Variants in ADD3 observed in about 807,000 individuals in gnomAD.
The protein encoded by ADD3 is gamma-adducin.
In ADD3, 25 loss-of-function variants were observed where a neutral mutation model predicts 80.2. The ratio of observed to expected loss-of-function variants is 0.31; its 90% CI spans 0.23 to 0.44. The LOEUF (loss-of-function observed/expected upper bound fraction) is 0.44. Ranked by LOEUF, ADD3 falls within the 20% of genes least tolerant of loss-of-function variation. The pLI is 1.00. For synonymous variants in ADD3, 284 were observed against 289.6 expected (o/e 0.98, Z 0.20); for missense variants, 829 against 847.5 (o/e 0.98, Z 0.27).
rs544670878 is a variant in ADD3, at chr10:110,049,811, C to T, written c.-30+41512C>T. Among the ~76,000 whole-genome samples, 54 of 149,592 alleles carry T rather than the reference C, an allele frequency of 3.6e-4. 1 individual carries two copies. The highest frequency in any genetic ancestry group is 1.2e-3 in the African/African-American group (48 of 40,416). On this transcript the variant is annotated intron_variant, in intron 1 of 14. Coordinates refer to ENST00000356080, the MANE Select transcript of ADD3 (RefSeq NM_016824.5). The stretch of plus-strand genomic sequence containing the variant: ...CTGAGGCAGGAGAATGGCATGAACC[C>T]GGGAGGCAGAGCTTGCAGTGAGCCG...
At chr10:110,075,878 C>T (rs1845326413) in intron 1 of ADD3, among the ~76,000 whole-genome samples, 1 of 152,072 alleles carries the variant, frequency 6.6e-6, no homozygotes, top group Admixed American at 6.6e-5. Context: ...CCTCATAATC[C>T]AACAAAGGCA....
chr10:110,041,159 A>T (rs1856312295), intron 1 of ADD3, among the ~76,000 whole-genome samples: 1 of 152,222 alleles, frequency 6.6e-6, no homozygotes, highest in African/African-American at 2.4e-5. Context: ...AGACCACAGC[A>T]GGAGATTTTA....
At chr10:110,050,577 A>G (rs12249490) in intron 1 of ADD3, among the ~76,000 whole-genome samples, 18,655 of 150,050 alleles carry the variant, frequency 0.12, 3,727 homozygotes, top group African/African-American at 0.42. Context: ...CAGTGGCACA[A>G]TCTCAGCTCA....
chr10:110,102,872 G>T (rs1848984990), intron 2 of ADD3, among the ~76,000 whole-genome samples: 6 of 152,084 alleles, frequency 3.9e-5, no homozygotes, highest in Admixed American at 3.9e-4. Flanking sequence ...TAATTTTTTT[G>T]TATTTAGTAT....
intron 1 of ADD3, among the ~76,000 whole-genome samples, chr10:109,998,705 C>T (rs576723390): frequency 5.3e-5 from 8 of 152,240 alleles, no homozygotes; most frequent in Non-Finnish European, 1.0e-4. Context: ...CTCAATCATA[C>T]CAAACTTGTT....
chr10:110,017,176 A>T (rs533160116), intron 1 of ADD3, among the ~76,000 whole-genome samples: 2 of 152,222 alleles, frequency 1.3e-5, no homozygotes, highest in African/African-American at 4.8e-5. Flanking sequence ...GCACTATGCT[A>T]TATACTGCTG....
intron 1 of ADD3, among the ~76,000 whole-genome samples, chr10:110,064,344 G>T (rs758020702): frequency 3.9e-5 from 6 of 152,144 alleles, no homozygotes; most frequent in African/African-American, 9.7e-5. Context: ...TGTACTAATT[G>T]ACATACCAAC....
intron 1 of ADD3, among the ~76,000 whole-genome samples, chr10:110,051,248 GATTTC>G (rs1857484379): frequency 6.6e-6 from 1 of 152,150 alleles, no homozygotes; most frequent in African/African-American, 2.4e-5. Context: ...ATTTGGAAAT[GATTTC>G]TTGGATGTGA....
At chr10:110,050,477 C>G (rs1857385278) in intron 1 of ADD3, among the ~76,000 whole-genome samples, 1 of 151,278 alleles carries the variant, frequency 6.6e-6, no homozygotes. Context: ...TCCTCCCCAG[C>G]CACGTGGAAC....
intron 1 of ADD3, among the ~76,000 whole-genome samples, chr10:110,050,529 CT>C (rs1489609442): frequency 7.4e-6 from 1 of 134,650 alleles, no homozygotes; most frequent in Non-Finnish European, 1.5e-5. Flanking sequence ...TTTTTTTTTC[CT>C]GAAGCGGAGT....
intron 1 of ADD3, among the ~76,000 whole-genome samples, chr10:110,063,778 T>TATATATAC (rs1843560260): frequency 1.9e-5 from 2 of 104,128 alleles, no homozygotes; most frequent in Non-Finnish European, 3.9e-5. Flanking sequence ...TATATATATA[T>TATATATAC]ATATAAAGTG....
At chr10:110,065,488 GTCTCTCTCTC>G (rs67149777) in intron 1 of ADD3, among the ~76,000 whole-genome samples, 1,213 of 108,470 alleles carry the variant, frequency 0.011, 27 homozygotes, top group African/African-American at 0.037. Context: ...GTCTCTGTCT[GTCTCTCTCTC>G]TCTCTCTCTC....
chr10:110,021,640 TGAAATG>T (rs1853692128), intron 1 of ADD3, among the ~76,000 whole-genome samples: 1 of 152,194 alleles, frequency 6.6e-6, no homozygotes, highest in Non-Finnish European at 1.5e-5. Context: ...TCCACTTACA[TGAAATG>T]TCTAGAATAG....
intron 1 of ADD3, among the ~76,000 whole-genome samples, chr10:110,086,564 CT>C (rs1564952471): frequency 6.6e-6 from 1 of 152,104 alleles, no homozygotes; most frequent in African/African-American, 2.4e-5. Flanking sequence ...TACCATCCCC[CT>C]AGTGCTATCT....
intron 1 of ADD3, among the ~76,000 whole-genome samples, chr10:110,034,447 T>C (rs1855411236): frequency 6.6e-6 from 1 of 151,520 alleles, no homozygotes; most frequent in South Asian, 2.1e-4. Context: ...TTTAAAATTA[T>C]ATTTTTTCAT....
Position 110,104,310 on chromosome 10 carries a change from C to CTCTGCCCACTAGGTTCTTGGT in ADD3, c.195+3465_195+3485dup, listed in dbSNP as rs1378872863. The stretch of plus-strand genomic sequence containing the variant: ...AGGACTGAACCTCCCTGGTGCTTGG[C>CTCTGCCCACTAGGTTCTTGGT]TCTGCCCACTAGGTTCTTGGTTCCA... On this transcript the variant is annotated intron_variant, in intron 2 of 14. Coordinates refer to ENST00000356080, the MANE Select transcript of ADD3 (RefSeq NM_016824.5). 4.6e-5 allele frequency among the ~76,000 whole-genome samples: 7 copies of CTCTGCCCACTAGGTTCTTGGT among 152,316 alleles called. No homozygotes were observed. In the East Asian group the frequency reaches 9.6e-4, roughly 21 times the overall value.
intron 8 of ADD3, 45 bp from the exon 9 acceptor site, chr10:110,122,065 G>C: frequency 6.5e-7 from 1 of 1,530,034 alleles, no homozygotes; most frequent in East Asian, 2.3e-5. Context: ...ACTCATTACA[G>C]TCTTTATAGT....
At chr10:110,119,625 G>A (rs1045878656) in intron 8 of ADD3, 61 bp downstream of exon 8, 11 of 1,451,694 alleles carry the variant, frequency 7.6e-6, no homozygotes, top group Non-Finnish European at 1.1e-5. Flanking sequence ...GTTGGATTTT[G>A]TGTACTTATT....
rs759268930 is a variant in ADD3 at position 110,126,457 on chromosome 10, C to T, written c.1562C>T (p.Pro521Leu). ...QNRYDLKTAG[P>L]QSQLLAGIVV... The stretch of plus-strand genomic sequence containing the variant: ...CGATATGACTTGAAAACAGCAGGAC[C>T]ACAATCTCAGTTGCTTGCTGGAATT... Residue 521 changes from proline to leucine, a missense_variant, in exon 12 of 15, where the codon CCA (proline) becomes CTA (leucine). Physicochemically the swap from Pro to Leu is moderately conservative, Grantham distance 98. Coordinates refer to ENST00000356080, the MANE Select transcript of ADD3 (RefSeq NM_016824.5). 2 of 1,613,626 alleles carry T rather than the reference C, an allele frequency of 1.2e-6. No homozygotes were observed. Among genetic ancestry groups the T allele is most frequent in the Non-Finnish European group, 1.7e-6 (2 of 1,179,922 alleles).
Sources: gnomAD v4.1 joint callset for allele counts (sites outside exome capture counted in the v4.1 genomes callset) on GRCh38, gnomAD v4.1.1 for gene constraint, MANE v1.5 for transcripts, NCBI Gene and HGNC (gene_info 2026-07-23, HGNC 2026-07-21) for gene names.